SLFN11: variants seen among roughly 807,000 people sequenced by gnomAD.
SLFN11 encodes schlafen family member 11.
In SLFN11, 43 loss-of-function variants were observed where a neutral mutation model predicts 53.4. The ratio of observed to expected loss-of-function variants is 0.80; its 90% confidence interval spans 0.63 to 1.04. The LOEUF is 1.04. Among genes scored for constraint, SLFN11 ranks in the 50% least tolerant of loss-of-function variants. The probability of loss-of-function intolerance (pLI) is 0.00; values close to 1 mark genes in which losing one functional copy is unlikely to be tolerated. For missense variants in SLFN11, 990 were observed against 1,079.1 expected, an observed-to-expected ratio of 0.92 and a Z score of 1.16; for synonymous variants, 389 against 394.7, an observed-to-expected ratio of 0.99 and a Z score of 0.17.
Position 35,352,390 on chromosome 17 carries a change from TG to T in SLFN11, c.2671del (p.Gln891AsnfsTer26), listed in dbSNP as rs527599795. The T allele has an allele frequency of 2.0e-4, 326 of 1,614,214 alleles. 3 individuals are homozygous for T. In the East Asian group the frequency reaches 7.1e-3, roughly 35 times the overall value. ...VLICLASRAKQHLYIFPWGGH is the reference protein window; with the variant it reads ...VLICLASRAKXHLYIFPWGGH The stretch of plus-strand genomic sequence containing the variant: ...ACCCCACGGAAAAATATACAGGTGT[TG>T]TTTTGCCCTGGAAGCCAGACAGATC... On this transcript the variant is annotated frameshift_variant, in exon 7 of 7. Coordinates refer to ENST00000685675, the MANE Select transcript of SLFN11 (RefSeq NM_001376007.1). LOFTEE classifies it low-confidence loss of function (END_TRUNC).
rs747629107 is a variant in SLFN11 at position 35,363,772 on chromosome 17, T to G, written c.36A>C (p.Pro12=). 1.3e-6 allele frequency: 2 copies of G among 1,598,876 alleles called. No individual in the cohort carries two copies. The highest frequency in any genetic ancestry group is 1.7e-6 in the Non-Finnish European group (2 of 1,174,422). ...EANQCPLVVE[P]SYPDLVINVG... The stretch of plus-strand genomic sequence containing the variant: ...CATTGATGACCAGGTCTGGGTAAGA[T>G]GGTTCCACAACCAGGGGGCACTGAT... The change falls in exon 4 of 7, where the codon CCA becomes CCC. Residue 12 remains proline (P), a synonymous_variant. Transcript: ENST00000685675.
In SLFN11 at chr17:35,353,324, C is replaced by T; in HGVS notation, c.1922+12G>A. The T allele has an allele frequency of 6.2e-7, 1 of 1,613,744 alleles. No homozygotes were observed. On this transcript the variant is annotated intron_variant, in intron 6 of 6. Transcript: ENST00000685675. ...TAAATAATACTTAGAGACGTAAGAT[C>T]CAACTGCTTACCTGATAAAGTTCCT...
At chr17:35,364,652 T>A (rs1908724441) in intron 3 of SLFN11, among the ~76,000 whole-genome samples, 1 of 152,162 alleles carries the variant, frequency 6.6e-6, no homozygotes, top group South Asian at 2.1e-4. Context: ...AAAAGTATTA[T>A]AACATTAACC....
chr17:35,354,101 C>A (rs1377189711), intron 5 of SLFN11, 42 bp from the exon 6 acceptor site: 2 of 1,507,078 alleles, frequency 1.3e-6, no homozygotes, highest in South Asian at 1.4e-5. Flanking sequence ...AGAGAAATAA[C>A]CCTATTGATT....
intron 5 of SLFN11, among the ~76,000 whole-genome samples, chr17:35,356,482 T>TG (rs1386938632): frequency 2.6e-5 from 4 of 152,268 alleles, no homozygotes; most frequent in Admixed American, 1.3e-4. Flanking sequence ...TTAAGTTTCT[T>TG]GCCTATTCTT....
rs769397338 is a variant in SLFN11 at position 35,362,978 on chromosome 17, G to T, written c.830C>A (p.Ala277Asp). 2 of 1,613,872 alleles carry T rather than the reference G, an allele frequency of 1.2e-6. No individual in the cohort carries two copies. The highest frequency in any genetic ancestry group is 2.2e-5 in the South Asian group (2 of 91,068). The change falls in exon 4 of 7, where the codon GCC (alanine) becomes GAC (aspartate). Residue 277 changes from alanine (A) to aspartate (D), a missense_variant. Physicochemically the swap from Ala to Asp is moderately radical, Grantham distance 126. Transcript: ENST00000685675. ...PDSLRRKIEQ[A>D]IYKLPCVHFC... ...ATGAACACAAGGTAGTTTGTATATG[G>T]CTTGTTCTATTTTCCTTCTCAAAGA...
In SLFN11 at chr17:35,352,497, C is replaced by T. The variant is rs574251224; in HGVS notation, c.2565G>A (p.Arg855=). ...LGDHIVLDSV[R]RFSGLERSIV... is the part of the protein sequence containing the mutation. ...TGCTCCTTTCCAGGCCTGAGAATCG[C>T]CGAACACTGTCCAACACAATGTGAT... Residue 855 remains arginine, a synonymous_variant, in exon 7 of 7, where the codon CGG becomes CGA. Coordinates refer to ENST00000685675, the MANE Select transcript of SLFN11 (RefSeq NM_001376007.1). 1.9e-6 allele frequency: 3 copies of T among 1,614,184 alleles called. No individual in the cohort carries two copies. The East Asian group carries it at 6.7e-5, about 36-fold the overall frequency.
At chr17:35,371,965 C>T (rs552098689) in intron 1 of SLFN11, among the ~76,000 whole-genome samples, 2 of 152,164 alleles carry the variant, frequency 1.3e-5, no homozygotes, top group South Asian at 4.1e-4. Flanking sequence ...CAATTCTACT[C>T]CTAAGTATTG....
chr17:35,355,191 A>G (rs1907306478), intron 5 of SLFN11, among the ~76,000 whole-genome samples: 1 of 152,142 alleles, frequency 6.6e-6, no homozygotes, highest in African/African-American at 2.4e-5. Context: ...AAATTTTCCA[A>G]GGATGACATA....
intron 3 of SLFN11, 141 bp from the exon 4 acceptor site, chr17:35,363,967 C>G (rs1908621386): frequency 3.1e-6 from 2 of 646,332 alleles, no homozygotes; most frequent in African/African-American, 1.8e-5. Context: ...AGAAGAATGG[C>G]TGGCAAGGAA....
At position 35,352,439 on chromosome 17, in the gene SLFN11, G is replaced by A; in HGVS notation, c.2623C>T (p.Pro875Ser). 3 of 1,614,170 alleles carry A rather than the reference G, an allele frequency of 1.9e-6. No homozygotes were observed. The highest frequency in any genetic ancestry group is 1.1e-5 in the South Asian group (1 of 91,086). ...ATCAGAACATTGGGTAAGATAGCTG[G>A]GTCAGCTGTCCTTGGATGGATCCCA... ...VFGIHPRTAD[P>S]AILPNVLICL... Residue 875 changes from proline to serine, a missense_variant, in exon 7 of 7, where the codon CCA becomes TCA. Transcript: ENST00000685675.
At chr17:35,358,821 C>A (rs898793327) in intron 5 of SLFN11, among the ~76,000 whole-genome samples, 1 of 151,282 alleles carries the variant, frequency 6.6e-6, no homozygotes, top group Non-Finnish European at 1.5e-5. Flanking sequence ...TTTTTTCTAT[C>A]TTTAACAAGT....
At chr17:35,372,613 T>C (rs1291818941) in intron 1 of SLFN11, among the ~76,000 whole-genome samples, 1 of 151,754 alleles carries the variant, frequency 6.6e-6, no homozygotes, top group African/African-American at 2.4e-5. Flanking sequence ...TAAAATAAAA[T>C]AAAATAAAAA....
intron 3 of SLFN11, 130 bp from the exon 4 acceptor site, chr17:35,363,956 GAGA>G (rs1908620560): frequency 7.4e-6 from 5 of 671,860 alleles, no homozygotes; most frequent in South Asian, 2.5e-5. Flanking sequence ...TTCTCTTTAG[GAGA>G]AGAATGGCTG....
At position 35,363,215 on chromosome 17, in the gene SLFN11, T is replaced by G. The variant is rs759530032; in HGVS notation, c.593A>C (p.Tyr198Ser). The G allele has an allele frequency of 6.2e-7, 1 of 1,613,960 alleles. No individual in the cohort carries two copies. The highest frequency in any genetic ancestry group is 1.3e-5 in the African/African-American group (1 of 74,918). ...AGGCAGGATTTCACCATATTCAAGA[T>G]AGTCTTTTTGGAAAATTAGGTCAGC... ...DPADLIFQKD[Y>S]LEYGEILPFP... is the part of the protein sequence containing the mutation. The change falls in exon 4 of 7, where the codon TAT becomes TCT. Residue 198 changes from tyrosine to serine, a missense_variant. Physicochemically the swap from Tyr to Ser is moderately radical, Grantham distance 144. This residue lies in a region of SLFN11 where 521 missense variants were observed against 516.2 expected (regional missense o/e 1.01). Transcript: ENST00000685675.
chr17:35,361,586 G>A (rs1173616992), intron 4 of SLFN11, among the ~76,000 whole-genome samples: 4 of 151,600 alleles, frequency 2.6e-5, no homozygotes, highest in African/African-American at 7.3e-5. Context: ...CACAGCCTCC[G>A]AAAGTGCTGG....
intron 5 of SLFN11, among the ~76,000 whole-genome samples, chr17:35,359,827 A>G (rs753281707): frequency 6.6e-6 from 1 of 152,152 alleles, no homozygotes; most frequent in East Asian, 1.9e-4. Flanking sequence ...GACTAGATAA[A>G]AGGTTTCCAA....
Position 35,373,515 on chromosome 17 carries a change from A to G in SLFN11, c.-276T>C, listed in dbSNP as rs1260922421. 1 of 151,904 alleles carries G rather than the reference A, an allele frequency of 6.6e-6. No homozygotes were observed. The highest frequency in any genetic ancestry group is 1.5e-5 in the Non-Finnish European group (1 of 68,050). The allele number at this position is 151,904 out of a possible 1,614,324, so 9.4% of individuals were successfully genotyped here. ...AGCCCGACGCGGATTCGGCTGGGCT[A>G]GACCCTGAAGCACGGGTAGAAACGC... On this transcript the variant is annotated 5_prime_UTR_variant, in exon 1 of 7. Transcript: ENST00000685675.
Position 35,362,976 on chromosome 17 carries a change from T to C in SLFN11, c.832A>G (p.Ile278Val), listed in dbSNP as rs1340499203. The C allele has an allele frequency of 3.7e-6, 6 of 1,613,862 alleles. No individual in the cohort carries two copies. Among genetic ancestry groups the C allele is most frequent in the East Asian group, 2.2e-5 (1 of 44,892 alleles). Residue 278 changes from isoleucine to valine, a missense_variant, in exon 4 of 7, where the codon ATA becomes GTA. Physicochemically the swap from Ile to Val is conservative, Grantham distance 29. Coordinates refer to ENST00000685675, the MANE Select transcript of SLFN11 (RefSeq NM_001376007.1). ...AAATGAACACAAGGTAGTTTGTATA[T>C]GGCTTGTTCTATTTTCCTTCTCAAA... is the stretch of plus-strand genomic sequence containing the variant. ...DSLRRKIEQA[I>V]YKLPCVHFCQ...
Sources: allele counts gnomAD v4.1 joint callset (sites outside exome capture counted in the v4.1 genomes callset), GRCh38; gene constraint gnomAD v4.1.1; regional missense constraint gnomAD v4.1.1; transcripts MANE v1.5; gene names NCBI Gene and HGNC (gene_info 2026-07-23, HGNC 2026-07-21).